The following LINGO2 variants were observed in gnomAD, a reference collection of about 807,000 sequenced individuals.
LINGO2 encodes leucine rich repeat and Ig domain containing 2.
In LINGO2, 14 loss-of-function variants were observed where a neutral mutation model predicts 30.6. The ratio of observed to expected loss-of-function variants is 0.46; its 90% CI spans 0.30 to 0.72. The LOEUF is 0.72. Ranked by LOEUF, LINGO2 falls within the 30% of genes least tolerant of loss-of-function variation. The pLI is 0.07. For missense variants in LINGO2, 729 were observed against 751.7 expected, an observed-to-expected ratio of 0.97 and a Z score of 0.35; for synonymous variants, 317 against 288.5, an observed-to-expected ratio of 1.10 and a Z score of -1.00.
chr9:29,043,099 A>G, the LINGO2 span, among the ~76,000 whole-genome samples: 1 of 151,988 alleles, frequency 6.6e-6, no homozygotes, highest in Non-Finnish European at 1.5e-5. Flanking sequence ...TTAAACAAAA[A>G]CAACAGCAAG....
At chr9:28,657,345 T>G (rs1828392415) in intron 1 of LINGO2, among the ~76,000 whole-genome samples, 1 of 152,098 alleles carries the variant, frequency 6.6e-6, no homozygotes, top group Non-Finnish European at 1.5e-5. Flanking sequence ...ATCAAATGAT[T>G]CATAAAATTT....
chr9:27,949,973 G>C (rs757978828), exon 6 of LINGO2: 1 of 1,614,130 alleles, frequency 6.2e-7, no homozygotes, highest in South Asian at 1.1e-5. Flanking sequence ...AAGGCCAATA[G>C]TCAATCTCTA....
intron 1 of LINGO2, among the ~76,000 whole-genome samples, chr9:28,504,296 T>G (rs1820011471): frequency 6.6e-6 from 1 of 151,892 alleles, no homozygotes; most frequent in Non-Finnish European, 1.5e-5. Context: ...CTGTGCTAAA[T>G]TTTTTACCCT....
intron 4 of LINGO2, among the ~76,000 whole-genome samples, chr9:28,048,325 G>T (rs745496587): frequency 6.6e-6 from 1 of 150,768 alleles, no homozygotes; most frequent in East Asian, 2.0e-4. Context: ...TAAATTTTTT[G>T]TATAACAATA....
At chr9:28,238,064 A>T (rs1433899298) in intron 4 of LINGO2, among the ~76,000 whole-genome samples, 1 of 152,140 alleles carries the variant, frequency 6.6e-6, no homozygotes, top group Non-Finnish European at 1.5e-5. Context: ...CCATTAGTCA[A>T]TTCGGCATAA....
chr9:29,053,408 C>T, the LINGO2 span, among the ~76,000 whole-genome samples: 3 of 152,042 alleles, frequency 2.0e-5, no homozygotes, highest in Non-Finnish European at 4.4e-5. Flanking sequence ...TCAATTCCCA[C>T]CTATGGGTGG....
At chr9:29,183,098 GAAAATA>G in the LINGO2 span, among the ~76,000 whole-genome samples, 1 of 152,074 alleles carries the variant, frequency 6.6e-6, no homozygotes, top group South Asian at 2.1e-4. Flanking sequence ...TTACCAGAAA[GAAAATA>G]AAAGGAAAAG....
exon 6 of LINGO2, chr9:27,949,110 G>C (rs1488376473): frequency 1.2e-6 from 2 of 1,614,052 alleles, no homozygotes; most frequent in Non-Finnish European, 1.7e-6. Context: ...GGTGTCATTG[G>C]AGTCGGTCAT....
chr9:28,260,993 G>A (rs1054748361), intron 4 of LINGO2, among the ~76,000 whole-genome samples: 94 of 151,972 alleles, frequency 6.2e-4, no homozygotes, highest in African/African-American at 2.2e-3. Flanking sequence ...TAATGTACCC[G>A]TATAAGATAC....
At chr9:28,630,985 G>T (rs544895021) in intron 1 of LINGO2, among the ~76,000 whole-genome samples, 1 of 151,696 alleles carries the variant, frequency 6.6e-6, no homozygotes, top group South Asian at 2.1e-4. Flanking sequence ...TAGAAAAGAT[G>T]TTACCATTGG....
chr9:28,225,543 T>C (rs1821115781), intron 4 of LINGO2, among the ~76,000 whole-genome samples: 2 of 152,040 alleles, frequency 1.3e-5, no homozygotes, highest in African/African-American at 4.8e-5. Context: ...CAGTGAAAAT[T>C]AAAATTTCTT....
chr9:28,798,983 G>A, the LINGO2 span, among the ~76,000 whole-genome samples: 345 of 152,188 alleles, frequency 2.3e-3, 5 homozygotes, highest in African/African-American at 7.9e-3. Context: ...TGGTGAGAAG[G>A]AGGAACAGAA....
At chr9:29,076,718 T>A in the LINGO2 span, among the ~76,000 whole-genome samples, 2 of 151,486 alleles carry the variant, frequency 1.3e-5, no homozygotes, top group East Asian at 3.9e-4. Flanking sequence ...AGGATTCTAA[T>A]CCTACCAACC....
chr9:29,118,956 G>A, the LINGO2 span, among the ~76,000 whole-genome samples: 2 of 152,054 alleles, frequency 1.3e-5, no homozygotes, highest in Non-Finnish European at 2.9e-5. Context: ...TTACCTGACT[G>A]CAGCCCCATT....
chr9:28,476,128 T>C (rs909388721), intron 1 of LINGO2, 103 bp from the exon 4 acceptor site: 4 of 152,502 alleles, frequency 2.6e-5, no homozygotes, highest in African/African-American at 9.7e-5. Context: ...ATATATAGTA[T>C]TTGTTATATA....
the LINGO2 span, among the ~76,000 whole-genome samples, chr9:28,860,882 C>A: frequency 7.0e-6 from 1 of 143,656 alleles, no homozygotes. Flanking sequence ...GTCTTGTGGT[C>A]ATAGCATTGA....
the LINGO2 span, among the ~76,000 whole-genome samples, chr9:28,732,264 A>G: frequency 6.6e-6 from 1 of 152,136 alleles, no homozygotes; most frequent in Non-Finnish European, 1.5e-5. Flanking sequence ...ATCTCCAAGC[A>G]AACCAAGCAA....
the LINGO2 span, among the ~76,000 whole-genome samples, chr9:29,116,584 G>A: frequency 6.6e-6 from 1 of 151,726 alleles, no homozygotes; most frequent in African/African-American, 2.4e-5. Context: ...TTTGGGTGGT[G>A]CCTGATTTTA....
chr9:28,901,748 G>GA, the LINGO2 span, among the ~76,000 whole-genome samples: 1 of 151,134 alleles, frequency 6.6e-6, no homozygotes, highest in Non-Finnish European at 1.5e-5. Context: ...TACTGCTAGA[G>GA]AAAATAATCA....
Sources: allele counts gnomAD v4.1 joint callset (sites outside exome capture counted in the v4.1 genomes callset), GRCh38; gene constraint gnomAD v4.1.1; transcripts MANE v1.5; gene names NCBI Gene and HGNC (gene_info 2026-07-23, HGNC 2026-07-21).